COQ8A: variants seen among roughly 807,000 people sequenced by gnomAD.
The protein encoded by COQ8A is coenzyme Q8A, also known as atypical kinase COQ8A, mitochondrial.
Under a neutral mutation model 65.0 loss-of-function variants are expected in COQ8A, and 51 were observed. The ratio of observed to expected loss-of-function variants is 0.78; its 90% CI spans 0.63 to 0.99. COQ8A has a LOEUF of 0.99. Among genes scored for constraint, COQ8A ranks in the 50% least tolerant of loss-of-function variants. The probability of loss-of-function intolerance (pLI) is 0.00; values close to 1 mark genes in which losing one functional copy is unlikely to be tolerated. For missense variants in COQ8A, 940 were observed against 875.0 expected (o/e 1.07, Z -0.94); for synonymous variants, 371 against 353.2 (o/e 1.05, Z -0.57).
At chr1:226,976,583 C>T (rs901510207) in intron 4 of COQ8A, among the ~76,000 whole-genome samples, 4 of 152,202 alleles carry the variant, frequency 2.6e-5, no homozygotes, top group Admixed American at 1.3e-4. Flanking sequence ...CCCATGCCTA[C>T]CCGGAAAGCC....
intron 5 of COQ8A, among the ~76,000 whole-genome samples, chr1:226,977,834 C>T (rs1380574363): frequency 2.0e-5 from 3 of 151,864 alleles, no homozygotes; most frequent in Non-Finnish European, 2.9e-5. Flanking sequence ...TGCACACCCA[C>T]TGAACACCCA....
At position 226,983,633 on chromosome 1, in the gene COQ8A, G is replaced by T; in HGVS notation, c.1162G>T (p.Gly388Cys). 6.2e-7 allele frequency: 1 copy of T among 1,613,962 alleles called. No homozygotes were observed. The highest frequency in any genetic ancestry group is 8.5e-7 in the Non-Finnish European group (1 of 1,179,994). ...GAACATGAGCAACATGCTTCCAGAA[G>T]GTCTGAGGCTAGGTGGTTGGGTCAA... ...VLNMSNMLPE[G>C]LFPEHLIDVL... Residue 388 changes from glycine to cysteine, a missense_variant and splice_region_variant, in exon 9 of 15, where the codon GGC becomes TGC. Gly to Cys is a radical substitution (Grantham distance 159, BLOSUM62 -3). Coordinates refer to ENST00000366777, the MANE Select transcript of COQ8A (RefSeq NM_020247.5).
chr1:226,968,475 G>A (rs1658689637), intron 4 of COQ8A, among the ~76,000 whole-genome samples: 1 of 152,208 alleles, frequency 6.6e-6, no homozygotes, highest in Admixed American at 6.5e-5. Context: ...TCACTACAAT[G>A]TGAAATATAT....
Position 226,986,469 on chromosome 1 carries a change from A to C in COQ8A, c.1676A>C (p.His559Pro), listed in dbSNP as rs902464326. 18 of 1,612,332 alleles carry C rather than the reference A, an allele frequency of 1.1e-5. No homozygotes were observed. Among genetic ancestry groups the C allele is most frequent in the Non-Finnish European group, 1.5e-5 (18 of 1,179,894 alleles). The change falls in exon 15 of 15, where the codon CAC (histidine) becomes CCC (proline). Residue 559 changes from histidine to proline, a missense_variant. His to Pro is a moderately conservative substitution (Grantham distance 77). Coordinates refer to ENST00000366777, the MANE Select transcript of COQ8A (RefSeq NM_020247.5). ...GYEVKVMEDA[H>P]LDAILILGEA... ...TTGCCCCAGGTCATGGAAGACGCCC[A>C]CTTGGATGCCATCCTCATCCTGGGG...
At chr1:226,954,491 C>G (rs954559931) in intron 1 of COQ8A, among the ~76,000 whole-genome samples, 1 of 152,238 alleles carries the variant, frequency 6.6e-6, no homozygotes, top group African/African-American at 2.4e-5. Flanking sequence ...GGCCCCACCC[C>G]AGACCTGCTG....
At chr1:226,942,103 A>G (rs544035279) in intron 1 of COQ8A, among the ~76,000 whole-genome samples, 2 of 152,108 alleles carry the variant, frequency 1.3e-5, no homozygotes, top group South Asian at 2.1e-4. Context: ...GTGACCATCA[A>G]AAGTGTTTCC....
intron 1 of COQ8A, among the ~76,000 whole-genome samples, chr1:226,943,901 T>C (rs1656842017): frequency 6.6e-6 from 1 of 151,974 alleles, no homozygotes; most frequent in African/African-American, 2.4e-5. Context: ...TGTAACTTGG[T>C]TTGTTCTGGA....
chr1:226,961,862 C>T (rs1489530860), intron 2 of COQ8A, among the ~76,000 whole-genome samples: 1 of 152,196 alleles, frequency 6.6e-6, no homozygotes, highest in African/African-American at 2.4e-5. Context: ...TGGTGAGGGC[C>T]TGTTTCCTAA....
Position 226,982,759 on chromosome 1 carries a change from T to C in COQ8A, c.935T>C (p.Met312Thr), listed in dbSNP as rs776413284. 11 of 1,613,456 alleles carry C rather than the reference T, an allele frequency of 6.8e-6. No homozygotes were observed. The highest frequency in any genetic ancestry group is 2.7e-5 in the African/African-American group (2 of 74,938). The change falls in exon 7 of 15, where the codon ATG (methionine) becomes ACG (threonine). Residue 312 changes from methionine (M) to threonine (T), a missense_variant. Transcript: ENST00000366777. The part of the protein sequence containing the change: ...QSADFMPLKQ[M>T]MKTLNNDLGP... ...GCGGACTTCATGCCACTGAAGCAGA[T>C]GATGGTGAGGAGCCAGGGGCTCTGC... is the stretch of plus-strand genomic sequence containing the variant.
At chr1:226,971,240 C>T (rs1045999078) in intron 4 of COQ8A, among the ~76,000 whole-genome samples, 1 of 151,776 alleles carries the variant, frequency 6.6e-6, no homozygotes, top group Non-Finnish European at 1.5e-5. Context: ...CACACCCGAC[C>T]TAGTTTTTAT....
In COQ8A at chr1:226,980,767, C is replaced by G. The variant is rs531184035; in HGVS notation, c.731-1260C>G. On this transcript the variant is annotated intron_variant, in intron 5 of 14. Coordinates refer to ENST00000366777, the MANE Select transcript of COQ8A (RefSeq NM_020247.5). ...CTGGAGTGAGCCTGGCCCCTTTCCA[C>G]GTAGCTGCCTGCATGTGTGGGCAGA... Among the ~76,000 whole-genome samples the G allele has an allele frequency of 2.0e-5, 3 of 152,378 alleles. No homozygotes were observed. In the East Asian group the frequency reaches 5.8e-4, roughly 29 times the overall value.
At chr1:226,941,123 G>A (rs1026025187) in intron 1 of COQ8A, among the ~76,000 whole-genome samples, 2 of 152,218 alleles carry the variant, frequency 1.3e-5, no homozygotes, top group Non-Finnish European at 2.9e-5. Flanking sequence ...GGGGAGTGCT[G>A]CAGGGGCAGG....
At chr1:226,980,399 C>G (rs1311365975) in intron 5 of COQ8A, among the ~76,000 whole-genome samples, 5 of 152,240 alleles carry the variant, frequency 3.3e-5, no homozygotes, top group Admixed American at 6.5e-5. Flanking sequence ...TAGGCCTACT[C>G]TGTGTGTCAT....
intron 4 of COQ8A, among the ~76,000 whole-genome samples, chr1:226,965,968 G>A (rs925862929): frequency 1.3e-5 from 2 of 152,366 alleles, no homozygotes; most frequent in East Asian, 1.9e-4. Flanking sequence ...GTACAGGGCC[G>A]ATGCTGTGCC....
chr1:226,964,880 C>A, intron 2 of COQ8A, 120 bp from the exon 3 acceptor site: 1 of 1,193,232 alleles, frequency 8.4e-7, no homozygotes, highest in Non-Finnish European at 1.2e-6. Context: ...CACTGTGCCA[C>A]CTCTGGAGGT....
chr1:226,983,449 C>A, intron 8 of COQ8A, 103 bp from the exon 9 acceptor site: 4 of 1,095,276 alleles, frequency 3.7e-6, no homozygotes, highest in Non-Finnish European at 5.5e-6. Context: ...TGGGCTGGGG[C>A]CAGGACACAG....
intron 2 of COQ8A, 39 bp from the exon 3 acceptor site, chr1:226,964,961 C>G (rs759581953): frequency 6.2e-7 from 1 of 1,610,948 alleles, no homozygotes. Context: ...GCTCCTGGCT[C>G]GCTCTTGCTC....
At chr1:226,968,207 T>G (rs534031566) in intron 4 of COQ8A, among the ~76,000 whole-genome samples, 1 of 152,176 alleles carries the variant, frequency 6.6e-6, no homozygotes, top group Non-Finnish European at 1.5e-5. Flanking sequence ...TGGTGGCATG[T>G]GACTGTAATC....
At position 226,964,985 on chromosome 1, in the gene COQ8A, C is replaced by G. The variant is rs1658470169; in HGVS notation, c.178-15C>G. The G allele has an allele frequency of 1.9e-6, 3 of 1,613,476 alleles. No homozygotes were observed. The highest frequency in any genetic ancestry group is 2.5e-6 in the Non-Finnish European group (3 of 1,180,032). On this transcript the variant is annotated splice_polypyrimidine_tract_variant and intron_variant, in intron 2 of 14. Transcript: ENST00000366777. ...TCGCTCTTGCTCTCCTAATGCTGGC[C>G]TTTGCTCCCTGCAGGGTCAGGATAA...
Sources: gnomAD v4.1 joint callset for allele counts (sites outside exome capture counted in the v4.1 genomes callset) on GRCh38, gnomAD v4.1.1 for gene constraint, MANE v1.5 for transcripts, NCBI Gene and HGNC (gene_info 2026-07-23, HGNC 2026-07-21) for gene names.